Variants in MAST2 observed in about 807,000 individuals in gnomAD.
The protein encoded by MAST2 is microtubule associated serine/threonine kinase 2, also known as microtubule-associated serine/threonine-protein kinase 2.
In MAST2, 70 loss-of-function variants were observed where a neutral mutation model predicts 147.4. The ratio of observed to expected loss-of-function variants is 0.47; its 90% CI spans 0.39 to 0.58. The LOEUF is 0.58. MAST2 is among the 20% of genes least tolerant of loss of function. The pLI is 0.00. For missense variants in MAST2, 2,080 were observed against 2,302.3 expected, an observed-to-expected ratio of 0.90 and a Z score of 1.98; for synonymous variants, 869 against 896.8, an observed-to-expected ratio of 0.97 and a Z score of 0.55.
At chr1:45,815,824 T>C (rs925337070) in intron 1 of MAST2, among the ~76,000 whole-genome samples, 45 of 152,314 alleles carry the variant, frequency 3.0e-4, no homozygotes, top group Non-Finnish European at 1.2e-4. Flanking sequence ...CTTCCACTCA[T>C]ATTCCATTGC....
chr1:45,970,332 C>G (rs901115832), intron 5 of MAST2, among the ~76,000 whole-genome samples: 2 of 152,132 alleles, frequency 1.3e-5, no homozygotes, highest in African/African-American at 4.8e-5. Flanking sequence ...TCAGGTCTTC[C>G]TGCCCTGGCA....
intron 5 of MAST2, among the ~76,000 whole-genome samples, chr1:45,962,329 C>T (rs903720188): frequency 1.1e-4 from 16 of 151,902 alleles, no homozygotes; most frequent in Non-Finnish European, 2.1e-4. Context: ...AGTTCTAGAT[C>T]CCTGAGGAAT....
intron 16 of MAST2, among the ~76,000 whole-genome samples, chr1:46,027,476 C>T (rs1646461559): frequency 6.6e-6 from 1 of 152,150 alleles, no homozygotes; most frequent in African/African-American, 2.4e-5. Context: ...ACATAGAATA[C>T]AGTTAGGGCA....
chr1:45,960,128 T>G (rs148739482), intron 5 of MAST2, among the ~76,000 whole-genome samples: 4 of 152,284 alleles, frequency 2.6e-5, no homozygotes, highest in Admixed American at 2.6e-4. Context: ...GCAAATGACC[T>G]CATGGATTCA....
At chr1:46,000,206 C>T (rs1571148290) in intron 6 of MAST2, among the ~76,000 whole-genome samples, 1 of 152,100 alleles carries the variant, frequency 6.6e-6, no homozygotes, top group Non-Finnish European at 1.5e-5. Flanking sequence ...CCTAGCTGCT[C>T]GGGAGGCTGA....
rs995545987 is a variant in MAST2, at chr1:45,961,497, G to A, written c.592+2020G>A. On this transcript the variant is annotated intron_variant, in intron 5 of 28. Coordinates refer to ENST00000361297, the MANE Select transcript of MAST2 (RefSeq NM_015112.3). Reference sequence around the variant, plus strand: ...AGAACTAAATCTTCCTACTCAAGTGGATTTGATTGAGAACACCACCTGGCC... The same window carrying A: ...AGAACTAAATCTTCCTACTCAAGTGAATTTGATTGAGAACACCACCTGGCC... Among the ~76,000 whole-genome samples, 12 of 152,170 alleles carry A rather than the reference G, an allele frequency of 7.9e-5. No individual in the cohort carries two copies. In the East Asian group the frequency reaches 2.3e-3, roughly 29 times the overall value.
intron 5 of MAST2, among the ~76,000 whole-genome samples, chr1:45,974,461 T>G (rs1644052858): frequency 6.6e-6 from 1 of 152,106 alleles, no homozygotes; most frequent in African/African-American, 2.4e-5. Flanking sequence ...CTGGGCATGG[T>G]GTTGCATACC....
At chr1:45,832,961 C>T (rs182438587) in intron 3 of MAST2, among the ~76,000 whole-genome samples, 4 of 152,226 alleles carry the variant, frequency 2.6e-5, no homozygotes, top group African/African-American at 7.2e-5. Context: ...TCCCTAACCC[C>T]GCCCCCACAC....
intron 3 of MAST2, among the ~76,000 whole-genome samples, chr1:45,871,805 GTTAT>G (rs1012321592): frequency 2.6e-5 from 4 of 152,150 alleles, no homozygotes; most frequent in African/African-American, 9.7e-5. Context: ...CCCAAGCAGT[GTTAT>G]TTATGTTAGT....
At position 46,028,806 on chromosome 1, in the gene MAST2, C is replaced by T. The variant is rs1220600877; in HGVS notation, c.2091C>T (p.Ile697=). The change falls in exon 18 of 29, where the codon ATC becomes ATT. Residue 697 remains isoleucine, a synonymous_variant. Transcript: ENST00000361297. ...CAGAATACATTGCGCCTGAGGTGATCCTGCGCCAGGGCTATGGGAAGCCAG... is the reference window on the plus strand; with the variant it reads ...CAGAATACATTGCGCCTGAGGTGATTCTGCGCCAGGGCTATGGGAAGCCAG... ...GTPEYIAPEV[I]LRQGYGKPVD... 35 of 1,614,006 alleles carry T rather than the reference C, an allele frequency of 2.2e-5. No homozygotes were observed. Among genetic ancestry groups the T allele is most frequent in the Non-Finnish European group, 2.9e-5 (34 of 1,180,028 alleles).
At chr1:45,941,536 G>T (rs967325173) in intron 4 of MAST2, among the ~76,000 whole-genome samples, 3 of 152,192 alleles carry the variant, frequency 2.0e-5, no homozygotes, top group African/African-American at 7.2e-5. Flanking sequence ...GGAATTACAG[G>T]CGTGAGCTAC....
chr1:46,008,953 T>C (rs1645599953), intron 9 of MAST2, among the ~76,000 whole-genome samples: 2 of 152,224 alleles, frequency 1.3e-5, no homozygotes, highest in South Asian at 4.1e-4. Flanking sequence ...GGAAGGAAAG[T>C]AGGTTGTTAT....
At chr1:45,835,711 A>C (rs188183271) in intron 3 of MAST2, among the ~76,000 whole-genome samples, 10 of 152,186 alleles carry the variant, frequency 6.6e-5, no homozygotes, top group Admixed American at 6.5e-4. Context: ...AGACATGTTC[A>C]CCACCATCCC....
At chr1:45,899,467 C>G (rs1054147941) in intron 4 of MAST2, among the ~76,000 whole-genome samples, 1 of 152,002 alleles carries the variant, frequency 6.6e-6, no homozygotes, top group Non-Finnish European at 1.5e-5. Context: ...TACCTCCTCT[C>G]CCCTTTTGGA....
chr1:45,934,211 G>A (rs536612936), intron 4 of MAST2, among the ~76,000 whole-genome samples: 2 of 152,198 alleles, frequency 1.3e-5, no homozygotes, highest in East Asian at 3.9e-4. Flanking sequence ...TAGGATGGTG[G>A]CCTCTAGCTG....
chr1:45,829,639 C>T (rs1644891989), intron 3 of MAST2, 58 bp downstream of exon 3: 4 of 1,495,436 alleles, frequency 2.7e-6, no homozygotes, highest in Middle Eastern at 1.7e-4. Flanking sequence ...TGTCATTTGT[C>T]ATTGCAACAT....
At chr1:45,964,761 C>T (rs1227265161) in intron 5 of MAST2, among the ~76,000 whole-genome samples, 1 of 152,110 alleles carries the variant, frequency 6.6e-6, no homozygotes, top group African/African-American at 2.4e-5. Flanking sequence ...CTTTTGCTAG[C>T]TTTTGAATGT....
At chr1:45,967,740 G>A (rs1387724072) in intron 5 of MAST2, among the ~76,000 whole-genome samples, 1 of 152,116 alleles carries the variant, frequency 6.6e-6, no homozygotes, top group African/African-American at 2.4e-5. Context: ...GAAAAAATTT[G>A]TGTATAAGTG....
chr1:46,012,839 A>G (rs1303915074), intron 10 of MAST2, among the ~76,000 whole-genome samples: 1 of 151,936 alleles, frequency 6.6e-6, no homozygotes, highest in Non-Finnish European at 1.5e-5. Context: ...TACACTAGCC[A>G]GGCATTTCAC....
Sources: gnomAD v4.1 joint callset for allele counts (sites outside exome capture counted in the v4.1 genomes callset) on GRCh38, gnomAD v4.1.1 for gene constraint, MANE v1.5 for transcripts, NCBI Gene and HGNC (gene_info 2026-07-23, HGNC 2026-07-21) for gene names.